Variants in LATS1 observed in about 807,000 individuals in gnomAD.
LATS1 encodes the protein large tumor suppressor kinase 1.
LATS1 carries 25 observed loss-of-function variants against 106.6 expected under a neutral mutation model. That is an observed-to-expected ratio of 0.23 (90% CI 0.17 to 0.33). LATS1 has a LOEUF of 0.33. LATS1 is among the 10% of genes least tolerant of loss of function. The probability of loss-of-function intolerance (pLI) is 1.00; values close to 1 mark genes in which losing one functional copy is unlikely to be tolerated. For missense variants in LATS1, 1,040 were observed against 1,382.6 expected, an observed-to-expected ratio of 0.75 and a Z score of 3.93; for synonymous variants, 465 against 455.6, an observed-to-expected ratio of 1.02 and a Z score of -0.26.
In LATS1 at chr6:149,659,858, A is replaced by T; in HGVS notation, c.*1871T>A. The T allele has an allele frequency of 4.4e-6, 1 of 226,812 alleles. No individual in the cohort carries two copies. Among genetic ancestry groups the T allele is most frequent in the East Asian group, 6.4e-5 (1 of 15,590 alleles). The allele number at this position is 226,812 out of a possible 1,614,324, so 14.0% of individuals were successfully genotyped here. A position where few individuals can be genotyped will look rare whatever the true frequency, so the allele number is the denominator to read the frequency against. ...AGAAATCCTTCAGAAATATTTCTGT[A>T]TCAAGCTTGTAATGAGCCTAACATT... On this transcript the variant is annotated 3_prime_UTR_variant, in exon 8 of 8. Coordinates refer to ENST00000543571, the MANE Select transcript of LATS1 (RefSeq NM_004690.4).
chr6:149,709,511 G>A (rs1489500876), intron 1 of LATS1, among the ~76,000 whole-genome samples: 7 of 152,016 alleles, frequency 4.6e-5, no homozygotes, highest in African/African-American at 1.7e-4. Context: ...ACCCTGATAA[G>A]AAACATTTAC....
In LATS1 at chr6:149,683,411, G is replaced by T. The variant is rs750096252; in HGVS notation, c.1678C>A (p.Pro560Thr). 9 of 1,614,134 alleles carry T rather than the reference G, an allele frequency of 5.6e-6. No individual in the cohort carries two copies. The South Asian group carries it at 9.9e-5, about 18-fold the overall frequency. ...GGGTTTTGGTGCAGCAGATGTTTTG[G>T]GTAGGGTGGTGGTGGTCCTTGATAG... ...PNYQGPPPPY[P>T]KHLLHQNPSV... The change falls in exon 4 of 8, where the codon CCA becomes ACA. Residue 560 changes from proline to threonine, a missense_variant. Pro to Thr is a conservative substitution (Grantham distance 38). Coordinates refer to ENST00000543571, the MANE Select transcript of LATS1 (RefSeq NM_004690.4).
rs367771272 is a variant in LATS1 at position 149,683,653 on chromosome 6, G to A, written c.1436C>T (p.Ser479Phe). ...LGNRASHSANSQPSATTVTAI... is the reference protein window; with the variant it reads ...LGNRASHSANFQPSATTVTAI... ...AGTGACTGTTGTAGCAGAAGGCTGA[G>A]AATTAGCAGAGTGACTTGCTCTATT... The change falls in exon 4 of 8, where the codon TCT becomes TTT. Residue 479 changes from serine (S) to phenylalanine (F), a missense_variant. Ser to Phe is a radical substitution (Grantham distance 155). This residue lies in a region of LATS1 where 624 missense variants were observed against 714.8 expected (regional missense o/e 0.87). Coordinates refer to ENST00000543571, the MANE Select transcript of LATS1 (RefSeq NM_004690.4). 1 of 1,614,062 alleles carries A rather than the reference G, an allele frequency of 6.2e-7. No individual in the cohort carries two copies. Among genetic ancestry groups the A allele is most frequent in the Non-Finnish European group, 8.5e-7 (1 of 1,180,026 alleles).
intron 5 of LATS1, among the ~76,000 whole-genome samples, chr6:149,678,230 A>G (rs1226980100): frequency 1.3e-5 from 2 of 149,236 alleles, no homozygotes; most frequent in Non-Finnish European, 3.0e-5. Flanking sequence ...TGTAGTCCCA[A>G]CTACTCGGGA....
At chr6:149,715,161 CG>C (rs1354449503) in intron 1 of LATS1, among the ~76,000 whole-genome samples, 7 of 151,992 alleles carry the variant, frequency 4.6e-5, no homozygotes, top group Non-Finnish European at 1.0e-4. Flanking sequence ...CTCCGTCTCT[CG>C]GGTTCAAGTG....
intron 4 of LATS1, among the ~76,000 whole-genome samples, chr6:149,681,921 T>C (rs969331358): frequency 6.6e-6 from 1 of 152,096 alleles, no homozygotes; most frequent in African/African-American, 2.4e-5. Context: ...AAGACCGGCC[T>C]GGCCAACATG....
Position 149,683,218 on chromosome 6 carries a change from T to A in LATS1, c.1871A>T (p.Glu624Val). 1 of 1,614,106 alleles carries A rather than the reference T, an allele frequency of 6.2e-7. No individual in the cohort carries two copies. Among genetic ancestry groups the A allele is most frequent in the Non-Finnish European group, 8.5e-7 (1 of 1,180,006 alleles). Residue 624 changes from glutamate (E) to valine (V), a missense_variant, in exon 4 of 8, where the codon GAA (glutamate) becomes GTA (valine). Physicochemically the swap from Glu to Val is moderately radical, Grantham distance 121. Around this residue, in one of 7 missense-constraint regions of LATS1, gnomAD observed 167 missense variants for 332.1 expected, o/e 0.50. Coordinates refer to ENST00000543571, the MANE Select transcript of LATS1 (RefSeq NM_004690.4). Reference sequence around the variant, plus strand: ...TTGAATACGAGATTCCCTTCGCTCTTCATCTTTCTTGTTTTTCCTAACAGT... The same window carrying A: ...TTGAATACGAGATTCCCTTCGCTCTACATCTTTCTTGTTTTTCCTAACAGT... ...PITVRKNKKDEERRESRIQSY... is the reference protein window; with the variant it reads ...PITVRKNKKDVERRESRIQSY...
intron 7 of LATS1, among the ~76,000 whole-genome samples, chr6:149,672,065 G>A (rs1241620387): frequency 6.0e-5 from 9 of 151,150 alleles, no homozygotes; most frequent in African/African-American, 2.2e-4. Flanking sequence ...ATTTTTTTTT[G>A]TATTTTTAGT....
At chr6:149,678,902 T>C (rs1326006153) in intron 5 of LATS1, among the ~76,000 whole-genome samples, 2 of 152,144 alleles carry the variant, frequency 1.3e-5, no homozygotes, top group Non-Finnish European at 2.9e-5. Context: ...ATAAAGTGTT[T>C]AGGGTTATAT....
At chr6:149,687,333 C>G (rs544028650) in intron 3 of LATS1, among the ~76,000 whole-genome samples, 1 of 152,106 alleles carries the variant, frequency 6.6e-6, no homozygotes, top group Non-Finnish European at 1.5e-5. Context: ...TCAGGTGATC[C>G]GCCCACCTCA....
chr6:149,679,669 C>T (rs1393418979), intron 5 of LATS1, among the ~76,000 whole-genome samples: 1 of 151,864 alleles, frequency 6.6e-6, no homozygotes, highest in Non-Finnish European at 1.5e-5. Context: ...TCTTTCATTT[C>T]ATAAGTCTAA....
At chr6:149,708,251 C>A (rs1423844729) in intron 1 of LATS1, among the ~76,000 whole-genome samples, 1 of 151,994 alleles carries the variant, frequency 6.6e-6, no homozygotes, top group African/African-American at 2.4e-5. Context: ...CCCGTCTCTA[C>A]TAAAAACACA....
Position 149,661,618 on chromosome 6 carries a change from A to G in LATS1, c.*111T>C. On this transcript the variant is annotated 3_prime_UTR_variant, in exon 8 of 8. Transcript: ENST00000543571. ...TAGGAAAATAAAATATTGTACACAG[A>G]GCACACATATATAGCTCTGTCATAT... 1.2e-6 allele frequency: 1 copy of G among 804,570 alleles called. No homozygotes were observed. The highest frequency in any genetic ancestry group is 1.9e-6 in the Non-Finnish European group (1 of 518,860). The allele number at this position is 804,570 out of a possible 1,614,324, so 49.8% of individuals were successfully genotyped here. A position where few individuals can be genotyped will look rare whatever the true frequency, so the allele number is the denominator to read the frequency against.
At chr6:149,666,524 G>A (rs1582839748) in intron 7 of LATS1, among the ~76,000 whole-genome samples, 1 of 151,766 alleles carries the variant, frequency 6.6e-6, no homozygotes, top group African/African-American at 2.4e-5. Flanking sequence ...AGGCTGAGGC[G>A]GAACAATTGC....
At chr6:149,673,256 C>T (rs890218084) in intron 7 of LATS1, among the ~76,000 whole-genome samples, 5 of 151,586 alleles carry the variant, frequency 3.3e-5, no homozygotes, top group Non-Finnish European at 7.4e-5. Context: ...CACTGCCATG[C>T]TCGGCTAATT....
At chr6:149,717,681 G>C (rs1024417800) in intron 1 of LATS1, 168 bp downstream of exon 1, 4 of 187,000 alleles carry the variant, frequency 2.1e-5, no homozygotes, top group Non-Finnish European at 4.6e-5. Context: ...GCAGGGCTCA[G>C]CTCGGGTCAA....
intron 1 of LATS1, among the ~76,000 whole-genome samples, chr6:149,704,445 T>C (rs1393544609): frequency 1.3e-5 from 2 of 151,478 alleles, no homozygotes; most frequent in African/African-American, 4.8e-5. Flanking sequence ...GCTGTGAAAA[T>C]ATGCTAAAAA....
chr6:149,661,955 T>G lies in LATS1; in HGVS notation c.3167A>C (p.Asn1056Thr). The part of the protein sequence containing the change: ...KLWSDDNEEE[N>T]VNDTLNGWYK... ...CCATCCATTGAGAGTGTCATTTACA[T>G]TTTCTTCCTCGTTATCATCACTCCA... The change falls in exon 8 of 8, where the codon AAT becomes ACT. Residue 1056 changes from asparagine to threonine, a missense_variant. By Grantham distance (65) the Asn-to-Thr change is moderately conservative. This residue lies in a region of LATS1 where 113 missense variants were observed against 146.3 expected (regional missense o/e 0.77). Transcript: ENST00000543571. The G allele has an allele frequency of 6.2e-7, 1 of 1,614,126 alleles. No individual in the cohort carries two copies. Among genetic ancestry groups the G allele is most frequent in the Non-Finnish European group, 8.5e-7 (1 of 1,180,000 alleles).
intron 7 of LATS1, among the ~76,000 whole-genome samples, chr6:149,670,759 T>C (rs1781405095): frequency 6.6e-6 from 1 of 152,040 alleles, no homozygotes; most frequent in South Asian, 2.1e-4. Context: ...ACATGTCAGG[T>C]CACTGGCTTG....
Sources: allele counts gnomAD v4.1 joint callset (sites outside exome capture counted in the v4.1 genomes callset), GRCh38; gene constraint gnomAD v4.1.1; regional missense constraint gnomAD v4.1.1; transcripts MANE v1.5; gene names NCBI Gene and HGNC (gene_info 2026-07-23, HGNC 2026-07-21).